Variants in UGT1A10 observed in about 807,000 individuals in gnomAD.
UGT1A10 encodes UDP-glucuronosyltransferase 1A10.
UGT1A10 carries 49 observed loss-of-function variants against 45.8 expected under a neutral mutation model. That is an observed-to-expected ratio of 1.07 (90% CI 0.85 to 1.36). UGT1A10 has a LOEUF of 1.36. Ranked by LOEUF, UGT1A10 falls within the 40% of genes most tolerant of loss-of-function variation. UGT1A10 has a pLI of 0.00. For synonymous variants in UGT1A10, 284 were observed against 249.7 expected (o/e 1.14, Z -1.29); for missense variants, 745 against 668.6 (o/e 1.11, Z -1.26).
intron 1 of UGT1A10, among the ~76,000 whole-genome samples, chr2:233,674,271 G>T (rs1321393830): frequency 6.6e-6 from 1 of 152,186 alleles, no homozygotes. Context: ...GACTACAGTT[G>T]TAGGCCTTTC....
chr2:233,732,680 C>G (rs899691828), intron 1 of UGT1A10, among the ~76,000 whole-genome samples: 5 of 151,938 alleles, frequency 3.3e-5, no homozygotes, highest in South Asian at 2.1e-4. Flanking sequence ...TGTTTTGGTA[C>G]CAGCACCCAT....
chr2:233,703,889 T>C (rs2125594145), intron 1 of UGT1A10, among the ~76,000 whole-genome samples: 1 of 152,182 alleles, frequency 6.6e-6, no homozygotes, highest in East Asian at 1.9e-4. Flanking sequence ...ACCATCATTT[T>C]TTTCTTTTCT....
intron 1 of UGT1A10, among the ~76,000 whole-genome samples, chr2:233,640,569 T>C (rs2073424321): frequency 6.6e-6 from 1 of 152,196 alleles, no homozygotes. Flanking sequence ...AATAAACCCA[T>C]ACATCCTTGG....
Position 233,637,078 on chromosome 2 carries a change from C to T in UGT1A10, c.556C>T (p.Pro186Ser). ...HLEEGAQCPA[P>S]LSYVPNDLLG... ...TGAAGAAGGTGCACAGTGCCCTGCT[C>T]CTCTTTCCTATGTCCCCAATGATCT... Residue 186 changes from proline to serine, a missense_variant, in exon 1 of 5, where the codon CCT (proline) becomes TCT (serine). Transcript: ENST00000344644. The T allele has an allele frequency of 1.2e-6, 2 of 1,613,930 alleles. No individual in the cohort carries two copies. Among genetic ancestry groups the T allele is most frequent in the Non-Finnish European group, 1.7e-6 (2 of 1,179,866 alleles).
At chr2:233,644,450 C>T (rs897600926) in intron 1 of UGT1A10, among the ~76,000 whole-genome samples, 1 of 152,040 alleles carries the variant, frequency 6.6e-6, no homozygotes. Context: ...TGCCGGTAAT[C>T]CCAGCTACTC....
intron 1 of UGT1A10, among the ~76,000 whole-genome samples, chr2:233,728,307 G>A (rs539087597): frequency 3.9e-5 from 6 of 152,202 alleles, no homozygotes; most frequent in Admixed American, 1.3e-4. Context: ...GACTGTGCAA[G>A]ATCTGAGGCC....
chr2:233,694,362 G>T (rs907491363), intron 1 of UGT1A10, among the ~76,000 whole-genome samples: 4 of 151,882 alleles, frequency 2.6e-5, no homozygotes, highest in Non-Finnish European at 5.9e-5. Context: ...GCTAAGAATG[G>T]TTTTTGTAGT....
At chr2:233,757,471 C>G (rs1223832347) in intron 1 of UGT1A10, among the ~76,000 whole-genome samples, 8 of 147,498 alleles carry the variant, frequency 5.4e-5, no homozygotes, top group African/African-American at 1.5e-4. Context: ...CTTACTGTCT[C>G]CAAAACCATG....
At chr2:233,709,522 C>A (rs575699212) in intron 1 of UGT1A10, among the ~76,000 whole-genome samples, 40 of 152,162 alleles carry the variant, frequency 2.6e-4, no homozygotes, top group African/African-American at 8.9e-4. Context: ...TTTAGGAATT[C>A]TTTTTCCTAC....
chr2:233,727,656 C>T (rs982873405), intron 1 of UGT1A10, among the ~76,000 whole-genome samples: 1 of 152,148 alleles, frequency 6.6e-6, no homozygotes, highest in Non-Finnish European at 1.5e-5. Context: ...CTTTCTAGTG[C>T]TCTATGTCCT....
intron 1 of UGT1A10, chr2:233,682,535 G>A (rs765046704): frequency 4.3e-6 from 7 of 1,613,844 alleles, no homozygotes; most frequent in South Asian, 3.3e-5. Context: ...GTTCTCAGAC[G>A]CCATGACTTT....
intron 1 of UGT1A10, chr2:233,682,030 G>A (rs2125521969): frequency 1.9e-6 from 3 of 1,614,138 alleles, no homozygotes; most frequent in Middle Eastern, 1.7e-4. Context: ...TGCTGGTAGT[G>A]CCCATGGATG....
chr2:233,725,707 A>G (rs1000435706), intron 1 of UGT1A10, among the ~76,000 whole-genome samples: 2 of 152,208 alleles, frequency 1.3e-5, no homozygotes, highest in Non-Finnish European at 2.9e-5. Flanking sequence ...GTAGTTAGTG[A>G]CTACCATATG....
chr2:233,692,548 A>G (rs904295361), intron 1 of UGT1A10, among the ~76,000 whole-genome samples: 3 of 152,216 alleles, frequency 2.0e-5, no homozygotes, highest in African/African-American at 7.2e-5. Context: ...TCAGAATGGA[A>G]TTGAATTGTA....
intron 1 of UGT1A10, among the ~76,000 whole-genome samples, chr2:233,694,758 G>A (rs1012611114): frequency 6.6e-6 from 1 of 152,184 alleles, no homozygotes; most frequent in Non-Finnish European, 1.5e-5. Context: ...TAGCCACTGT[G>A]AAAAGGCAAG....
chr2:233,688,694 G>A (rs997687629), intron 1 of UGT1A10, among the ~76,000 whole-genome samples: 3 of 152,096 alleles, frequency 2.0e-5, no homozygotes, highest in Non-Finnish European at 2.9e-5. Flanking sequence ...AATATTAAAC[G>A]TCCTTCATTG....
At chr2:233,754,930 G>C (rs1387383656) in intron 1 of UGT1A10, 3 of 1,344,668 alleles carry the variant, frequency 2.2e-6, no homozygotes, top group Non-Finnish European at 2.0e-6. Context: ...TTTCCCAAGA[G>C]GTCAAAGGAG....
At chr2:233,728,608 G>C (rs535590480) in intron 1 of UGT1A10, among the ~76,000 whole-genome samples, 2 of 152,172 alleles carry the variant, frequency 1.3e-5, no homozygotes, top group South Asian at 2.1e-4. Context: ...CAGCCTCCAC[G>C]CTGTTCAGAG....
At chr2:233,717,797 G>A (rs1227021075) in intron 1 of UGT1A10, 1 of 455,964 alleles carries the variant, frequency 2.2e-6, no homozygotes, top group African/African-American at 2.0e-5. Context: ...TTGAAGTAGT[G>A]CCCCCACAAA....
Sources: allele counts gnomAD v4.1 joint callset (sites outside exome capture counted in the v4.1 genomes callset), GRCh38; gene constraint gnomAD v4.1.1; transcripts MANE v1.5; gene names NCBI Gene and HGNC (gene_info 2026-07-23, HGNC 2026-07-21).